The following LIMA1 variants were observed in gnomAD, a reference collection of about 807,000 sequenced individuals.
LIMA1 encodes the protein LIM domain and actin binding 1, also known as LIM domain and actin-binding protein 1.
Under a neutral mutation model 62.6 loss-of-function variants are expected in LIMA1, and 52 were observed. The observed-to-expected ratio is 0.83, with a 90% confidence interval of 0.67 to 1.05. The LOEUF is 1.05. Among genes scored for constraint, LIMA1 ranks in the 50% least tolerant of loss-of-function variants. The pLI, the probability that LIMA1 is intolerant of heterozygous loss-of-function variation, is 0.00. For synonymous variants in LIMA1, 302 were observed against 317.8 expected, an observed-to-expected ratio of 0.95 and a Z score of 0.53; for missense variants, 780 against 902.2, an observed-to-expected ratio of 0.86 and a Z score of 1.74.
At chr12:50,232,560 G>C (rs1262484970) in intron 2 of LIMA1, among the ~76,000 whole-genome samples, 1 of 151,848 alleles carries the variant, frequency 6.6e-6, no homozygotes, top group East Asian at 1.9e-4. Context: ...GTAGAGACAG[G>C]GTTTCACCAT....
intron 1 of LIMA1, among the ~76,000 whole-genome samples, chr12:50,252,072 A>G (rs545536715): frequency 6.6e-6 from 1 of 152,340 alleles, no homozygotes; most frequent in South Asian, 2.1e-4. Flanking sequence ...TATTTATAGT[A>G]CAAGACAGAA....
intron 3 of LIMA1, among the ~76,000 whole-genome samples, chr12:50,231,335 T>C (rs1941608577): frequency 6.6e-6 from 1 of 152,200 alleles, no homozygotes; most frequent in South Asian, 2.1e-4. Flanking sequence ...GTTCTGATTG[T>C]CTGATTTGGA....
At chr12:50,248,238 A>G (rs1445224498) in intron 2 of LIMA1, among the ~76,000 whole-genome samples, 1 of 152,246 alleles carries the variant, frequency 6.6e-6, no homozygotes, top group East Asian at 1.9e-4. Context: ...CAACCAAATC[A>G]AAACTCGCCT....
At chr12:50,232,871 CA>C (rs1245647180) in intron 2 of LIMA1, among the ~76,000 whole-genome samples, 3 of 152,198 alleles carry the variant, frequency 2.0e-5, no homozygotes, top group Admixed American at 2.0e-4. Context: ...CCTATAATCC[CA>C]GCTACTCGGG....
chr12:50,177,636 C>T lies in LIMA1; in HGVS notation c.1708G>A (p.Asp570Asn). The change falls in exon 11 of 11, where the codon GAT becomes AAT. Residue 570 changes from aspartate to asparagine, a missense_variant. Transcript: ENST00000341247. ...AGCTTCTTCAGATCTAGATCGACAT[C>T]CTCAGGAACTTCGGGCTTGCTGATT... ...DEISKPEVPE[D>N]VDLDLKKLRR... 1 of 1,608,510 alleles carries T rather than the reference C, an allele frequency of 6.2e-7. No homozygotes were observed. The highest frequency in any genetic ancestry group is 2.2e-5 in the East Asian group (1 of 44,814).
chr12:50,238,515 C>A (rs1941728783), intron 2 of LIMA1, among the ~76,000 whole-genome samples: 1 of 148,746 alleles, frequency 6.7e-6, no homozygotes, highest in Admixed American at 6.7e-5. Flanking sequence ...TCAAAAAAAA[C>A]AAAACAAAAC....
intron 1 of LIMA1, among the ~76,000 whole-genome samples, chr12:50,278,798 G>T (rs964212521): frequency 3.3e-5 from 5 of 151,612 alleles, no homozygotes; most frequent in African/African-American, 1.2e-4. Flanking sequence ...ATAATATAAA[G>T]CAAAAAAAGC....
At chr12:50,208,627 G>A (rs1176318399) in intron 4 of LIMA1, among the ~76,000 whole-genome samples, 1 of 152,164 alleles carries the variant, frequency 6.6e-6, no homozygotes. Flanking sequence ...TCCAGCCTGG[G>A]CAACAGAGTG....
chr12:50,218,618 AT>A (rs1415022955), intron 4 of LIMA1, among the ~76,000 whole-genome samples: 43 of 152,260 alleles, frequency 2.8e-4, no homozygotes, highest in African/African-American at 9.4e-4. Context: ...TCCTTTAAGA[AT>A]TTCAGGCTGG....
intron 3 of LIMA1, among the ~76,000 whole-genome samples, chr12:50,223,451 C>G (rs1357018863): frequency 6.6e-6 from 1 of 151,062 alleles, no homozygotes; most frequent in Non-Finnish European, 1.5e-5. Context: ...CCACTACACT[C>G]CAGCCTGGGT....
At chr12:50,260,016 T>C (rs1942044808) in intron 1 of LIMA1, among the ~76,000 whole-genome samples, 1 of 152,150 alleles carries the variant, frequency 6.6e-6, no homozygotes, top group Non-Finnish European at 1.5e-5. Flanking sequence ...CAGGAATCAA[T>C]AAAGAGTCAG....
Position 50,177,489 on chromosome 12 carries a change from A to C in LIMA1, c.1855T>G (p.Ser619Ala). 1.2e-6 allele frequency: 2 copies of C among 1,613,796 alleles called. No individual in the cohort carries two copies. Among genetic ancestry groups the C allele is most frequent in the Non-Finnish European group, 1.7e-6 (2 of 1,179,930 alleles). Residue 619 changes from serine (S) to alanine (A), a missense_variant, in exon 11 of 11, where the codon TCA becomes GCA. By Grantham distance (99) the Ser-to-Ala change is moderately conservative (BLOSUM62 1). Coordinates refer to ENST00000341247, the MANE Select transcript of LIMA1 (RefSeq NM_016357.5). ...CCCACAGACTCTTCACTCTGCTCTG[A>C]CATGCTCCAGCCTTTCCTGATAGGT... ...SPPIRKGWSM[S>A]EQSEESVGGR...
chr12:50,280,815 A>G (rs1051078896), intron 1 of LIMA1, among the ~76,000 whole-genome samples: 1 of 152,212 alleles, frequency 6.6e-6, no homozygotes, highest in African/African-American at 2.4e-5. Flanking sequence ...TAACCTGAAG[A>G]GGCTGTGTTA....
At chr12:50,216,233 G>A (rs984810169) in intron 4 of LIMA1, among the ~76,000 whole-genome samples, 1 of 151,852 alleles carries the variant, frequency 6.6e-6, no homozygotes, top group East Asian at 1.9e-4. Context: ...TTTTCTTTTC[G>A]AGAGAAGTTT....
rs370903955 is a variant in LIMA1, at chr12:50,204,687, A to C, written c.729T>G (p.Ser243=). Reference sequence around the variant, plus strand: ...CATTTTTCTCCGAGTCAAATGTAGAAGATGACAACTGACCTGGAAGCATCC... The same window carrying C: ...CATTTTTCTCCGAGTCAAATGTAGACGATGACAACTGACCTGGAAGCATCC... ...DLEIGPGQLS[S]STFDSEKNES... Residue 243 remains serine (S), a synonymous_variant, in exon 6 of 11, where the codon TCT becomes TCG. Coordinates refer to ENST00000341247, the MANE Select transcript of LIMA1 (RefSeq NM_016357.5). The C allele has an allele frequency of 1.2e-6, 2 of 1,614,046 alleles. No individual in the cohort carries two copies. Among genetic ancestry groups the C allele is most frequent in the African/African-American group, 1.3e-5 (1 of 74,924 alleles).
At chr12:50,214,461 A>G (rs572077721) in intron 4 of LIMA1, among the ~76,000 whole-genome samples, 1 of 152,344 alleles carries the variant, frequency 6.6e-6, no homozygotes, top group African/African-American at 2.4e-5. Flanking sequence ...ATTGATGTTA[A>G]TAGTTATTCA....
At chr12:50,180,113 T>G (rs1333719383) in intron 10 of LIMA1, among the ~76,000 whole-genome samples, 1 of 151,880 alleles carries the variant, frequency 6.6e-6, no homozygotes, top group African/African-American at 2.4e-5. Context: ...CCAGCGTGGC[T>G]AACATGGTGA....
Position 50,217,150 on chromosome 12 carries a change from T to C in LIMA1, c.630+4871A>G, listed in dbSNP as rs192757317. 2.6e-5 allele frequency among the ~76,000 whole-genome samples: 4 copies of C among 151,850 alleles called. No individual in the cohort carries two copies. The Admixed American group carries it at 2.6e-4, about 10-fold the overall frequency. On this transcript the variant is annotated intron_variant, in intron 4 of 10. Transcript: ENST00000341247. ...TTATCTAGTAGCAAACATAAAACTATCCTGACTTAAAAAGCCAACATTGTT... is the reference window on the plus strand; with the variant it reads ...TTATCTAGTAGCAAACATAAAACTACCCTGACTTAAAAAGCCAACATTGTT...
intron 8 of LIMA1, among the ~76,000 whole-genome samples, chr12:50,192,782 T>C (rs1359396270): frequency 6.6e-6 from 1 of 152,242 alleles, no homozygotes; most frequent in Non-Finnish European, 1.5e-5. Flanking sequence ...GGAGGCTTTC[T>C]TACCCTCTGC....
Sources: allele counts gnomAD v4.1 joint callset (sites outside exome capture counted in the v4.1 genomes callset), GRCh38; gene constraint gnomAD v4.1.1; transcripts MANE v1.5; gene names NCBI Gene and HGNC (gene_info 2026-07-23, HGNC 2026-07-21).